The following EML6 variants were observed in gnomAD, a reference collection of about 807,000 sequenced individuals.
EML6 encodes EMAP like 6, also known as echinoderm microtubule-associated protein-like 6.
In EML6, 154 loss-of-function variants were observed where a neutral mutation model predicts 240.1. That is an observed-to-expected ratio of 0.64 (90% confidence interval 0.56 to 0.73). The LOEUF (loss-of-function observed/expected upper bound fraction) is 0.73, where lower values mean the gene tolerates loss of function less well. Among genes scored for constraint, EML6 ranks in the 30% least tolerant of loss-of-function variants. The pLI is 0.00. For synonymous variants in EML6, 1,148 were observed against 899.0 expected (o/e 1.28, Z -4.95); for missense variants, 2,964 against 2,474.6 (o/e 1.20, Z -4.20).
At chr2:54,926,151 T>TA in intron 26 of EML6, among the ~76,000 whole-genome samples, 1 of 152,326 alleles carries the variant, frequency 6.6e-6, no homozygotes, top group South Asian at 2.1e-4. Flanking sequence ...GCCAAGGCTG[T>TA]AGTGCAGTGG....
chr2:54,724,277 T>C lies in EML6; in HGVS notation c.-513-272T>C, dbSNP rs184693765. Reference sequence around the variant, plus strand: ...TATTAAACACACACATGAAAACTAATTGGAGCATCTAAAAAATGACCATTG... The same window carrying C: ...TATTAAACACACACATGAAAACTAACTGGAGCATCTAAAAAATGACCATTG... On this transcript the variant is annotated intron_variant, in intron 1 of 41. Transcript: ENST00000356458. The surrounding 1 kb of genome is among the most constrained non-coding windows in gnomAD (Gnocchi z 5.2). Among the ~76,000 whole-genome samples, 15 of 152,116 alleles carry C rather than the reference T, an allele frequency of 9.9e-5. No homozygotes were observed. Among genetic ancestry groups the C allele is most frequent in the Middle Eastern group, 3.4e-3 (1 of 294 alleles).
At chr2:54,830,664 A>T (rs1668823648) in intron 7 of EML6, among the ~76,000 whole-genome samples, 1 of 152,220 alleles carries the variant, frequency 6.6e-6, no homozygotes, top group African/African-American at 2.4e-5. Flanking sequence ...GGGAGAAAAC[A>T]GCCTAGACGG....
intron 20 of EML6, 43 bp from the exon 21 acceptor site, chr2:54,895,230 G>A (rs952121570): frequency 1.9e-6 from 3 of 1,547,582 alleles, no homozygotes; most frequent in South Asian, 1.2e-5. Context: ...CTAATAAGCA[G>A]TTGTTTTTGT....
chr2:54,923,261 A>G (rs963039734), intron 26 of EML6, among the ~76,000 whole-genome samples: 2 of 151,988 alleles, frequency 1.3e-5, no homozygotes, highest in Non-Finnish European at 2.9e-5. Context: ...AACTTTTAAG[A>G]TAAATAAGTT....
rs1363847856 is a variant in EML6 at position 54,954,053 on chromosome 2, C to T, written c.4383C>T (p.His1461=). 6.4e-7 allele frequency: 1 copy of T among 1,552,036 alleles called. No individual in the cohort carries two copies. The highest frequency in any genetic ancestry group is 8.7e-7 in the Non-Finnish European group (1 of 1,147,028). Residue 1461 remains histidine (H), a synonymous_variant, in exon 32 of 42, where the codon CAC becomes CAT. Coordinates refer to ENST00000356458, the MANE Select transcript of EML6 (RefSeq NM_001039753.4). ...CCCTCTCCATGCTGCGGTGCTTCCACTCCAAGGGGGTGAATTACATCAACT... is the reference window on the plus strand; with the variant it reads ...CCCTCTCCATGCTGCGGTGCTTCCATTCCAAGGGGGTGAATTACATCAACT... ...KHTLSMLRCF[H]SKGVNYINFS...
intron 2 of EML6, among the ~76,000 whole-genome samples, chr2:54,765,092 T>A (rs1668130410): frequency 6.6e-6 from 1 of 152,184 alleles, no homozygotes; most frequent in Admixed American, 6.5e-5. Flanking sequence ...TAATATATTT[T>A]CTGGATATCT....
chr2:54,832,780 G>T (rs1261692303), intron 7 of EML6, among the ~76,000 whole-genome samples: 3 of 151,978 alleles, frequency 2.0e-5, no homozygotes, highest in Non-Finnish European at 4.4e-5. Flanking sequence ...CTCAAAGAAG[G>T]CTTGGCCTTC....
In EML6 at chr2:54,902,554, A is replaced by G. The variant is rs1355130686; in HGVS notation, c.3125-490A>G. ...GTTGGAATTACAGGCATGTGCCACT[A>G]TTCCTGGCTAATTTTTGTATTTTTT... is the stretch of plus-strand genomic sequence containing the variant. On this transcript the variant is annotated intron_variant, in intron 22 of 41. Coordinates refer to ENST00000356458, the MANE Select transcript of EML6 (RefSeq NM_001039753.4). Among the ~76,000 whole-genome samples, 3 of 149,752 alleles carry G rather than the reference A, an allele frequency of 2.0e-5. No homozygotes were observed. The East Asian group carries it at 5.8e-4, about 29-fold the overall frequency.
chr2:54,968,834 C>A, intron 41 of EML6, 66 bp downstream of exon 41: 1 of 870,734 alleles, frequency 1.1e-6, no homozygotes, highest in Non-Finnish European at 1.9e-6. Context: ...CCATCTCAGG[C>A]ATCCCGTGGG....
At chr2:54,884,118 G>C (rs1442801797) in intron 17 of EML6, among the ~76,000 whole-genome samples, 1 of 152,202 alleles carries the variant, frequency 6.6e-6, no homozygotes, top group Non-Finnish European at 1.5e-5. Context: ...AGATGCCACA[G>C]GTTGAGGGCT....
intron 22 of EML6, among the ~76,000 whole-genome samples, chr2:54,901,423 C>T (rs369730587): frequency 8.5e-5 from 13 of 152,070 alleles, no homozygotes; most frequent in East Asian, 1.9e-4. Context: ...TAGTTTATAT[C>T]GGGGGAATGA....
At chr2:54,741,964 C>T (rs186259496) in intron 2 of EML6, among the ~76,000 whole-genome samples, 11 of 152,268 alleles carry the variant, frequency 7.2e-5, no homozygotes, top group Admixed American at 7.2e-4. Flanking sequence ...CCTCCACCAC[C>T]AGATAGTTAA....
At chr2:54,832,496 A>T (rs1668925470) in intron 7 of EML6, among the ~76,000 whole-genome samples, 1 of 152,210 alleles carries the variant, frequency 6.6e-6, no homozygotes, top group Non-Finnish European at 1.5e-5. Flanking sequence ...TGTGCCCCAA[A>T]TCCAAAGTGA....
chr2:54,863,737 G>C lies in EML6; in HGVS notation c.1826-46G>C, dbSNP rs374825653. On this transcript the variant is annotated intron_variant, in intron 12 of 41. Coordinates refer to ENST00000356458, the MANE Select transcript of EML6 (RefSeq NM_001039753.4). ...TATTTTAGATAATTTCAGTTGCTCAGAGTCTCAGAATTTTTGCTTGTTTCT... is the reference window on the plus strand; with the variant it reads ...TATTTTAGATAATTTCAGTTGCTCACAGTCTCAGAATTTTTGCTTGTTTCT... 67 of 942,268 alleles carry C rather than the reference G, an allele frequency of 7.1e-5. No individual in the cohort carries two copies. In the East Asian group the frequency reaches 1.1e-3, roughly 16 times the overall value. The allele number at this position is 942,268 out of a possible 1,614,324, so 58.4% of individuals were successfully genotyped here.
At position 54,829,336 on chromosome 2, in the gene EML6, C is replaced by G. The variant is rs1668749314; in HGVS notation, c.712-6C>G. 5.8e-6 allele frequency: 9 copies of G among 1,550,828 alleles called. No homozygotes were observed. Among genetic ancestry groups the G allele is most frequent in the African/African-American group, 2.7e-5 (2 of 73,024 alleles). The stretch of plus-strand genomic sequence containing the variant: ...ACCATTGAGTATTACCTGTTTTAAT[C>G]AACAGGCTGGAATCTTTAGCATGTA... On this transcript the variant is annotated splice_polypyrimidine_tract_variant and splice_region_variant and intron_variant, in intron 6 of 41. Transcript: ENST00000356458.
chr2:54,860,109 G>C (rs141912139), intron 12 of EML6, among the ~76,000 whole-genome samples: 1 of 152,250 alleles, frequency 6.6e-6, no homozygotes, highest in African/African-American at 2.4e-5. Flanking sequence ...AAAAGCTGAG[G>C]CACACTCTGG....
chr2:54,919,851 G>A (rs1241209099), intron 26 of EML6, among the ~76,000 whole-genome samples: 1 of 152,254 alleles, frequency 6.6e-6, no homozygotes. Context: ...TCTCAGGTGG[G>A]AAGGAAGGAA....
intron 38 of EML6, 21 bp downstream of exon 38, chr2:54,964,754 T>C (rs1370006805): frequency 1.3e-6 from 2 of 1,550,914 alleles, no homozygotes; most frequent in African/African-American, 1.4e-5. Flanking sequence ...GGTTTACTTA[T>C]ATCTGGGGCA....
chr2:54,919,229 C>A, intron 26 of EML6, among the ~76,000 whole-genome samples: 1 of 146,938 alleles, frequency 6.8e-6, no homozygotes, highest in Admixed American at 7.1e-5. Flanking sequence ...TCCTAACTTT[C>A]CTCTATTTTG....
Sources: gnomAD v4.1 joint callset for allele counts (sites outside exome capture counted in the v4.1 genomes callset) on GRCh38, gnomAD v4.1.1 for gene constraint, Gnocchi (gnomAD v3.1) non-coding constraint, MANE v1.5 for transcripts, NCBI Gene and HGNC (gene_info 2026-07-23, HGNC 2026-07-21) for gene names.